Variants in SNF8 observed in about 807,000 individuals in gnomAD.
SNF8 encodes SNF8 subunit of ESCRT-II.
SNF8 carries 19 observed loss-of-function variants against 36.8 expected under a neutral mutation model. That is an observed-to-expected ratio of 0.52 (90% CI 0.36 to 0.76). The LOEUF is 0.76. Among genes scored for constraint, SNF8 ranks in the 30% least tolerant of loss-of-function variants. The pLI is 0.00. For synonymous variants in SNF8, 127 were observed against 127.4 expected, an observed-to-expected ratio of 1.00 and a Z score of 0.02; for missense variants, 268 against 322.9, an observed-to-expected ratio of 0.83 and a Z score of 1.30.
Position 48,929,661 on chromosome 17 carries a change from C to T in SNF8, c.*814G>A, listed in dbSNP as rs868686012. The T allele has an allele frequency of 1.3e-5, 2 of 152,168 alleles. No individual in the cohort carries two copies. The highest frequency in any genetic ancestry group is 2.4e-5 in the African/African-American group (1 of 41,444). The allele number at this position is 152,168 out of a possible 1,614,324, so 9.4% of individuals were successfully genotyped here. A position where few individuals can be genotyped will look rare whatever the true frequency, so the allele number is the denominator to read the frequency against. ...GCAGTGATACATGAAGGCATGGGCT[C>T]GGGTTAATAGGCCTAGGCACCAGCT... On this transcript the variant is annotated 3_prime_UTR_variant, in exon 8 of 8. Transcript: ENST00000502492.
At chr17:48,941,164 C>A in intron 2 of SNF8, 102 bp from the exon 3 acceptor site, 1 of 1,326,342 alleles carries the variant, frequency 7.5e-7, no homozygotes, top group Non-Finnish European at 1.1e-6. Flanking sequence ...GCTGAAATAA[C>A]CAGTCTCCCT....
chr17:48,934,258 C>G (rs17708633), intron 5 of SNF8, among the ~76,000 whole-genome samples: 62,569 of 152,026 alleles, frequency 0.41, 15,415 homozygotes, highest in East Asian at 0.71. Flanking sequence ...CAAATGCTCA[C>G]CCTCTCTTCA....
chr17:48,940,785 G>A (rs1417975571), intron 3 of SNF8, 139 bp downstream of exon 3: 41 of 1,007,532 alleles, frequency 4.1e-5, no homozygotes, highest in East Asian at 2.5e-4. Context: ...GCAAAACTCC[G>A]TCTCAAAAAG....
rs145022238 is a variant in SNF8 at position 48,942,312 on chromosome 17, G to C, written c.106-1250C>G. 2.1e-3 allele frequency among the ~76,000 whole-genome samples: 310 copies of C among 149,300 alleles called. 2 individuals carry two copies. The highest frequency in any genetic ancestry group is 3.0e-3 in the Non-Finnish European group (205 of 67,766). On this transcript the variant is annotated intron_variant, in intron 2 of 7. Coordinates refer to ENST00000502492, the MANE Select transcript of SNF8 (RefSeq NM_007241.4). ...AGATCACGCCACTGCACTCCAGCCT[G>C]GGCAACAAGAGCGAAACTTGGTCTC...
In SNF8 at chr17:48,930,277, C is replaced by T. The variant is rs1013777428; in HGVS notation, c.*198G>A. 1.8e-5 allele frequency: 9 copies of T among 500,780 alleles called. No homozygotes were observed. The highest frequency in any genetic ancestry group is 3.5e-5 in the Admixed American group (1 of 28,288). The allele number at this position is 500,780 out of a possible 1,614,324, so 31.0% of individuals were successfully genotyped here. ...TGTGCTTGCCGTTCTCTGTGTTAATCAGATTATGCTTACTGAACGAGCGAG... is the reference window on the plus strand; with the variant it reads ...TGTGCTTGCCGTTCTCTGTGTTAATTAGATTATGCTTACTGAACGAGCGAG... On this transcript the variant is annotated 3_prime_UTR_variant, in exon 8 of 8. Coordinates refer to ENST00000502492, the MANE Select transcript of SNF8 (RefSeq NM_007241.4).
Position 48,930,459 on chromosome 17 carries a change from G to A in SNF8, c.*16C>T, listed in dbSNP as rs2040840474. On this transcript the variant is annotated 3_prime_UTR_variant, in exon 8 of 8. Transcript: ENST00000502492. ...GCCTCCTCCCTGCCTGCTGCTGTGT[G>A]CCCTTCCACATGCAGTCAGGGGAGG... 6.3e-7 allele frequency: 1 copy of A among 1,578,346 alleles called. No homozygotes were observed. Among genetic ancestry groups the A allele is most frequent in the Non-Finnish European group, 8.6e-7 (1 of 1,158,632 alleles).
intron 7 of SNF8, among the ~76,000 whole-genome samples, chr17:48,931,201 ATCAT>A (rs1365785953): frequency 2.0e-5 from 3 of 152,208 alleles, no homozygotes; most frequent in South Asian, 2.1e-4. Context: ...CCCTCTTCAC[ATCAT>A]TCATTCTTCA....
rs545802524 is a variant in SNF8, at chr17:48,944,778, G to A, written c.-44C>T. 4.5e-6 allele frequency: 7 copies of A among 1,572,142 alleles called. No individual in the cohort carries two copies. The highest frequency in any genetic ancestry group is 4.8e-5 in the East Asian group (2 of 41,686). ...GGCCGCCCGGCTGCCGGGACCCCGG[G>A]TCTCCACGTCCCGGACTCCGCCGCC... is the stretch of plus-strand genomic sequence containing the variant. On this transcript the variant is annotated 5_prime_UTR_variant, in exon 1 of 8. Coordinates refer to ENST00000502492, the MANE Select transcript of SNF8 (RefSeq NM_007241.4).
chr17:48,936,570 TCAATC>T (rs1435082193), intron 4 of SNF8: 1 of 327,820 alleles, frequency 3.1e-6, no homozygotes, highest in Non-Finnish European at 5.7e-6. Flanking sequence ...TTCTGTAACT[TCAATC>T]CACACCATTT....
At chr17:48,933,795 A>G (rs544071621) in intron 5 of SNF8, among the ~76,000 whole-genome samples, 4 of 152,336 alleles carry the variant, frequency 2.6e-5, no homozygotes, top group South Asian at 2.1e-4. Context: ...TCAAGGAGCA[A>G]TAAGTGATGC....
At position 48,933,487 on chromosome 17, in the gene SNF8, C is replaced by T. The variant is rs144796178; in HGVS notation, c.423-141G>A. ...AGGCGCAATGGCTCATACCCATAAT[C>T]GCAACACTTTTGGGATGCCCACATT... On this transcript the variant is annotated intron_variant, in intron 5 of 7. Coordinates refer to ENST00000502492, the MANE Select transcript of SNF8 (RefSeq NM_007241.4). 621 of 932,748 alleles carry T rather than the reference C, an allele frequency of 6.7e-4. 7 individuals carry two copies. In the African/African-American group the frequency reaches 9.0e-3, roughly 14 times the overall value. The allele number at this position is 932,748 out of a possible 1,614,324, so 57.8% of individuals were successfully genotyped here. A position where few individuals can be genotyped will look rare whatever the true frequency, so the allele number is the denominator to read the frequency against.
At chr17:48,931,781 C>A in intron 6 of SNF8, 64 bp from the exon 7 acceptor site, 1 of 1,328,206 alleles carries the variant, frequency 7.5e-7, no homozygotes, top group Non-Finnish European at 1.1e-6. Flanking sequence ...AACCCAGGAT[C>A]TGCCCAGGAA....
chr17:48,939,851 G>A (rs546565572), intron 3 of SNF8, among the ~76,000 whole-genome samples: 26 of 151,940 alleles, frequency 1.7e-4, no homozygotes, highest in African/African-American at 5.8e-4. Flanking sequence ...AAGAAAGGCC[G>A]ATCACTTGAT....
At chr17:48,943,208 G>A (rs978248082) in intron 2 of SNF8, among the ~76,000 whole-genome samples, 2 of 151,138 alleles carry the variant, frequency 1.3e-5, no homozygotes, top group South Asian at 2.1e-4. Flanking sequence ...GGTGGCTCAC[G>A]CCTGTAGTCC....
intron 2 of SNF8, among the ~76,000 whole-genome samples, chr17:48,942,107 T>C (rs1025607139): frequency 3.3e-5 from 5 of 152,154 alleles, no homozygotes; most frequent in Non-Finnish European, 7.3e-5. Flanking sequence ...CCAGATTCCA[T>C]TTCATGTTAA....
chr17:48,940,447 A>G (rs1011291187), intron 3 of SNF8, among the ~76,000 whole-genome samples: 9 of 152,230 alleles, frequency 5.9e-5, no homozygotes, highest in East Asian at 3.9e-4. Context: ...TAGTCGGTCT[A>G]TCTTCCATAT....
At chr17:48,931,784 C>T (rs2040863515) in intron 6 of SNF8, 67 bp from the exon 7 acceptor site, 2 of 1,284,774 alleles carry the variant, frequency 1.6e-6, no homozygotes, top group Non-Finnish European at 2.2e-6. Flanking sequence ...CCAGGATCTG[C>T]CCAGGAACAA....
At chr17:48,936,734 A>C (rs1262701602) in intron 4 of SNF8, 6 of 472,130 alleles carry the variant, frequency 1.3e-5, no homozygotes, top group African/African-American at 9.7e-5. Flanking sequence ...GACACATCAG[A>C]CATCAGGGGA....
rs1567783077 is a variant in SNF8 at position 48,930,586 on chromosome 17, CG to C, written c.665del (p.Ala222GlyfsTer104). 6.2e-7 allele frequency: 1 copy of C among 1,613,818 alleles called. No individual in the cohort carries two copies. Among genetic ancestry groups the C allele is most frequent in the Admixed American group, 1.7e-5 (1 of 59,978 alleles). ...CCCCTGGGGCCTGTAAGTCCAGCCA[CG>C]CCAACCCTTCCTTCAGCAGGTGTTC... The part of the protein sequence containing the change: ...VLEHLLKEGL[A>X]WLDLQAPGEA... On this transcript the variant is annotated frameshift_variant, in exon 8 of 8. Transcript: ENST00000502492. LOFTEE classifies it high-confidence loss of function.
Sources: allele counts gnomAD v4.1 joint callset (sites outside exome capture counted in the v4.1 genomes callset), GRCh38; gene constraint gnomAD v4.1.1; transcripts MANE v1.5; gene names NCBI Gene and HGNC (gene_info 2026-07-23, HGNC 2026-07-21).